SLC25A25: variants seen among roughly 807,000 people sequenced by gnomAD.
SLC25A25 encodes mitochondrial adenyl nucleotide antiporter SLC25A25.
Under a neutral mutation model 57.7 loss-of-function variants are expected in SLC25A25, and 32 were observed. The observed-to-expected ratio is 0.55, with a 90% CI of 0.42 to 0.74. SLC25A25 has a LOEUF of 0.74. SLC25A25 is among the 30% of genes least tolerant of loss of function. The probability of loss-of-function intolerance (pLI) is 0.00; values close to 1 mark genes in which losing one functional copy is unlikely to be tolerated. For synonymous variants in SLC25A25, 306 were observed against 291.2 expected (o/e 1.05, Z -0.52); for missense variants, 556 against 701.3 (o/e 0.79, Z 2.34).
chr9:128,100,829 C>A (rs754760856), intron 1 of SLC25A25: 17 of 463,278 alleles, frequency 3.7e-5, no homozygotes, highest in Non-Finnish European at 6.2e-5. Flanking sequence ...AGGGCTCTTC[C>A]CAGGCTCCTT....
At chr9:128,104,098 T>C (rs762457445) in intron 6 of SLC25A25, among the ~76,000 whole-genome samples, 1 of 152,124 alleles carries the variant, frequency 6.6e-6, no homozygotes, top group Non-Finnish European at 1.5e-5. Flanking sequence ...CTAGCGAGAC[T>C]GGGGTGAGGC....
At chr9:128,087,855 C>T (rs1022160469) in intron 1 of SLC25A25, among the ~76,000 whole-genome samples, 1 of 152,142 alleles carries the variant, frequency 6.6e-6, no homozygotes. Flanking sequence ...GTAGTTTTTA[C>T]CTAGAGTTTG....
rs1833537975 is a variant in SLC25A25 at position 128,095,708 on chromosome 9, G to A, written c.262-5388G>A. 6.6e-6 allele frequency among the ~76,000 whole-genome samples: 1 copy of A among 152,210 alleles called. No homozygotes were observed. Among genetic ancestry groups the A allele is most frequent in the Admixed American group, 6.5e-5 (1 of 15,276 alleles). On this transcript the variant is annotated intron_variant, in intron 1 of 10. Coordinates refer to ENST00000373069, the MANE Select transcript of SLC25A25 (RefSeq NM_001330988.2). The surrounding 1 kb of genome is among the most constrained non-coding windows in gnomAD (Gnocchi z 4.4). ...ACCTGTAGTCCCAGCTACTCGGGAG[G>A]CTGAGGCAGGAGAATCGCTTGAACC...
At chr9:128,083,886 G>A (rs993220539) in intron 1 of SLC25A25, among the ~76,000 whole-genome samples, 4 of 152,128 alleles carry the variant, frequency 2.6e-5, no homozygotes, top group Non-Finnish European at 5.9e-5. Context: ...GGAGATTGCC[G>A]TGGAGTTGGT....
intron 1 of SLC25A25, among the ~76,000 whole-genome samples, chr9:128,096,643 C>A (rs1262419657): frequency 6.6e-6 from 1 of 152,180 alleles, no homozygotes; most frequent in Non-Finnish European, 1.5e-5. Context: ...GTCTTAGAGC[C>A]CCCTGAGCTA....
intron 1 of SLC25A25, among the ~76,000 whole-genome samples, chr9:128,071,567 A>ATTT (rs369801313): frequency 9.6e-4 from 132 of 137,652 alleles, no homozygotes; most frequent in East Asian, 2.3e-3. Flanking sequence ...CGCCCTGCTA[A>ATTT]TTTTTTTTTT....
chr9:128,080,358 A>T (rs1833127122), intron 1 of SLC25A25, among the ~76,000 whole-genome samples: 1 of 151,128 alleles, frequency 6.6e-6, no homozygotes, highest in African/African-American at 2.4e-5. Context: ...CCAAAAAAAA[A>T]AAAAAAAAAA....
rs1411262190 is a variant in SLC25A25 at position 128,103,219 on chromosome 9, A to G, written c.625-462A>G. Among the ~76,000 whole-genome samples, 3 of 152,152 alleles carry G rather than the reference A, an allele frequency of 2.0e-5. No homozygotes were observed. Among genetic ancestry groups the G allele is most frequent in the Non-Finnish European group, 1.5e-5 (1 of 68,026 alleles). On this transcript the variant is annotated intron_variant, in intron 5 of 10. Coordinates refer to ENST00000373069, the MANE Select transcript of SLC25A25 (RefSeq NM_001330988.2). The surrounding 1 kb of genome is among the most constrained non-coding windows in gnomAD (Gnocchi z 6.7). The stretch of plus-strand genomic sequence containing the variant: ...TCTGATCAGCCCGGATGTCACCCGG[A>G]GAAAGGTTACGCAGGCAGCGAGCCC...
intron 1 of SLC25A25, among the ~76,000 whole-genome samples, chr9:128,086,880 ATTGTT>A (rs1833287817): frequency 1.3e-5 from 2 of 152,054 alleles, no homozygotes; most frequent in Admixed American, 6.6e-5. Context: ...CCCACAGTGT[ATTGTT>A]TTATTTTTGC....
intron 1 of SLC25A25, chr9:128,091,546 CTTTT>C (rs757342831): frequency 0.31 from 249,665 of 813,820 alleles, 27,256 homozygotes; most frequent in Non-Finnish European, 0.33. Flanking sequence ...TTTTCCTTTT[CTTTT>C]TTTTTTTTTT....
intron 1 of SLC25A25, among the ~76,000 whole-genome samples, chr9:128,070,950 C>CAAAAAA (rs531221205): frequency 8.7e-5 from 5 of 57,404 alleles, no homozygotes; most frequent in African/African-American, 2.9e-4. Flanking sequence ...AACTCCATCT[C>CAAAAAA]AAAAAAAAAA....
In SLC25A25 at chr9:128,102,500, G is replaced by A. The variant is rs1333600212; in HGVS notation, c.624+19G>A. ...TTCCACGGTGAGCCCCACGTGCCCAGGGCCCTCATCTGCTCCCAGGGACCC... is the reference window on the plus strand; with the variant it reads ...TTCCACGGTGAGCCCCACGTGCCCAAGGCCCTCATCTGCTCCCAGGGACCC... On this transcript the variant is annotated intron_variant, in intron 5 of 10. Transcript: ENST00000373069. This position sits in a 1 kb window ranked among gnomAD's most constrained non-coding sequence, Gnocchi z 4.1. 1.9e-6 allele frequency: 3 copies of A among 1,599,940 alleles called. No individual in the cohort carries two copies. The African/African-American group carries it at 4.0e-5, about 21-fold the overall frequency.
intron 1 of SLC25A25, among the ~76,000 whole-genome samples, chr9:128,081,548 C>T (rs1833155942): frequency 6.6e-6 from 1 of 152,044 alleles, no homozygotes; most frequent in African/African-American, 2.4e-5. Context: ...ACATGCTGGC[C>T]TCCATACCAT....
intron 9 of SLC25A25, 90 bp downstream of exon 9, chr9:128,106,610 G>A: frequency 8.3e-6 from 12 of 1,438,160 alleles, no homozygotes; most frequent in Non-Finnish European, 1.0e-5. Flanking sequence ...GGTTAGTGCA[G>A]GAAACTGCAT....
In SLC25A25 at chr9:128,103,990, G is replaced by A. The variant is rs1404220663; in HGVS notation, c.783+151G>A. 3.0e-5 allele frequency: 24 copies of A among 800,890 alleles called. No individual in the cohort carries two copies. Among genetic ancestry groups the A allele is most frequent in the Non-Finnish European group, 3.9e-5 (21 of 533,756 alleles). The allele number at this position is 800,890 out of a possible 1,614,324, so 49.6% of individuals were successfully genotyped here. ...TAGACTAGAATTATTGCTCAGACAG[G>A]GGGTACCAAAATGTCACTGTAGGTG... On this transcript the variant is annotated intron_variant, in intron 6 of 10. Coordinates refer to ENST00000373069, the MANE Select transcript of SLC25A25 (RefSeq NM_001330988.2). The surrounding 1 kb of genome is among the most constrained non-coding windows in gnomAD (Gnocchi z 6.7).
Position 128,101,057 on chromosome 9 carries a change from C to T in SLC25A25, c.262-39C>T. ...CCACAAGGGACAAGGAAAGGCTGGTCCAGGAGCCAAAAGACAAAATGTTAC... is the reference window on the plus strand; with the variant it reads ...CCACAAGGGACAAGGAAAGGCTGGTTCAGGAGCCAAAAGACAAAATGTTAC... On this transcript the variant is annotated intron_variant, in intron 1 of 10. Transcript: ENST00000373069. The surrounding 1 kb of genome is among the most constrained non-coding windows in gnomAD (Gnocchi z 4.9). 3 of 1,612,658 alleles carry T rather than the reference C, an allele frequency of 1.9e-6. No homozygotes were observed. The highest frequency in any genetic ancestry group is 2.5e-6 in the Non-Finnish European group (3 of 1,179,588).
intron 1 of SLC25A25, among the ~76,000 whole-genome samples, chr9:128,070,969 A>AAAAAG (rs1554730809): frequency 0.023 from 3,016 of 129,828 alleles, 42 homozygotes; most frequent in Non-Finnish European, 0.037. Flanking sequence ...AAAAAAAAAA[A>AAAAAG]AAAAGAAAGA....
chr9:128,098,526 C>G (rs1833637930), intron 1 of SLC25A25: 1 of 1,574,556 alleles, frequency 6.4e-7, no homozygotes, highest in East Asian at 2.3e-5. Flanking sequence ...GGAACTTGCT[C>G]CCGGTGGTGA....
chr9:128,092,114 C>T (rs1403855952), intron 1 of SLC25A25: 1 of 1,605,470 alleles, frequency 6.2e-7, no homozygotes, highest in Admixed American at 1.7e-5. Flanking sequence ...AAGAGGACCT[C>T]CTAGTTTAGG....
Sources: allele counts gnomAD v4.1 joint callset (sites outside exome capture counted in the v4.1 genomes callset), GRCh38; gene constraint gnomAD v4.1.1; non-coding constraint Gnocchi (gnomAD v3.1); transcripts MANE v1.5; gene names NCBI Gene and HGNC (gene_info 2026-07-23, HGNC 2026-07-21).